CACNA1B: variants seen among roughly 807,000 people sequenced by gnomAD.
The protein encoded by CACNA1B is calcium voltage-gated channel subunit alpha1 B.
CACNA1B carries 70 observed loss-of-function variants against 247.2 expected under a neutral mutation model. That is an observed-to-expected ratio of 0.28 (90% CI 0.23 to 0.35). The LOEUF (loss-of-function observed/expected upper bound fraction) is 0.35. Among genes scored for constraint, CACNA1B ranks in the 10% least tolerant of loss-of-function variants. CACNA1B has a pLI of 1.00. For missense variants in CACNA1B, 2,367 were observed against 3,197.4 expected (o/e 0.74, Z 6.26); for synonymous variants, 1,231 against 1,294.4 (o/e 0.95, Z 1.05).
At chr9:137,933,949 T>C (rs764995455) in intron 6 of CACNA1B, among the ~76,000 whole-genome samples, 9 of 152,024 alleles carry the variant, frequency 5.9e-5, no homozygotes, top group Non-Finnish European at 1.3e-4. Context: ...CTTCAGGGGG[T>C]GGATACCTAT....
chr9:138,009,555 C>A (rs570069155), intron 16 of CACNA1B, among the ~76,000 whole-genome samples: 1 of 152,152 alleles, frequency 6.6e-6, no homozygotes, highest in Non-Finnish European at 1.5e-5. Flanking sequence ...GGCAGTGGAG[C>A]CCCACCTGGA....
rs1385935104 is a variant in CACNA1B, at chr9:138,054,375, G to A, written c.3968+369G>A. On this transcript the variant is annotated intron_variant, in intron 26 of 46. Coordinates refer to ENST00000371372, the MANE Select transcript of CACNA1B (RefSeq NM_000718.4). The surrounding 1 kb of genome is among the most constrained non-coding windows in gnomAD (Gnocchi z 4.6). ...GTAAGGTCAGAGGGGCTGCCCGATGGCTGGAGCTGCTGTCACTGTCCACAT... is the reference window on the plus strand; with the variant it reads ...GTAAGGTCAGAGGGGCTGCCCGATGACTGGAGCTGCTGTCACTGTCCACAT... Among the ~76,000 whole-genome samples the A allele has an allele frequency of 1.3e-5, 2 of 152,246 alleles. No individual in the cohort carries two copies. Among genetic ancestry groups the A allele is most frequent in the Non-Finnish European group, 2.9e-5 (2 of 68,044 alleles).
intron 21 of CACNA1B, 82 bp downstream of exon 21, chr9:138,043,982 C>A: frequency 2.7e-6 from 4 of 1,498,598 alleles, no homozygotes; most frequent in South Asian, 1.2e-5. Flanking sequence ...AGCCAGCGTG[C>A]ACTGATTCTG....
At chr9:138,074,446 G>A (rs1243390293) in intron 34 of CACNA1B, among the ~76,000 whole-genome samples, 2 of 152,156 alleles carry the variant, frequency 1.3e-5, no homozygotes, top group African/African-American at 4.8e-5. Context: ...TCACCATGTT[G>A]GCCAGGCTGG....
At chr9:138,003,303 G>T (rs1197656145) in intron 15 of CACNA1B, among the ~76,000 whole-genome samples, 2 of 151,508 alleles carry the variant, frequency 1.3e-5, no homozygotes, top group Non-Finnish European at 2.9e-5. Flanking sequence ...CTTCTGAGTA[G>T]CTGGGACTAC....
chr9:138,057,942 C>T lies in CACNA1B; in HGVS notation c.4106+73C>T. 6.3e-7 allele frequency: 1 copy of T among 1,575,194 alleles called. No homozygotes were observed. Among genetic ancestry groups the T allele is most frequent in the Non-Finnish European group, 8.7e-7 (1 of 1,150,182 alleles). On this transcript the variant is annotated intron_variant, in intron 27 of 46. Transcript: ENST00000371372. The surrounding 1 kb of genome is among the most constrained non-coding windows in gnomAD (Gnocchi z 4.0). ...CTCGGCCTCCCTTCCTCCCTCTATCCCTGGGCTCAGGCATGGAAGCAGACC... is the reference window on the plus strand; with the variant it reads ...CTCGGCCTCCCTTCCTCCCTCTATCTCTGGGCTCAGGCATGGAAGCAGACC...
At chr9:137,929,146 G>T (rs559015930) in intron 6 of CACNA1B, among the ~76,000 whole-genome samples, 1 of 152,268 alleles carries the variant, frequency 6.6e-6, no homozygotes, top group Middle Eastern at 3.4e-3. Context: ...TTAACCATTT[G>T]AGGAACCACC....
At chr9:137,883,667 G>A (rs1956961049) in intron 3 of CACNA1B, among the ~76,000 whole-genome samples, 1 of 152,000 alleles carries the variant, frequency 6.6e-6, no homozygotes, top group South Asian at 2.1e-4. Context: ...GTGGAGAGTG[G>A]TGGCTGGGGA....
intron 15 of CACNA1B, among the ~76,000 whole-genome samples, chr9:137,997,945 G>A (rs1017770005): frequency 1.3e-5 from 2 of 152,214 alleles, no homozygotes; most frequent in Non-Finnish European, 2.9e-5. Flanking sequence ...AAGGGAAAAT[G>A]AGTGCCTTAG....
chr9:138,123,186 G>A lies in CACNA1B; in HGVS notation c.*1187G>A, dbSNP rs201439668. On this transcript the variant is annotated 3_prime_UTR_variant, in exon 47 of 47. Coordinates refer to ENST00000371372, the MANE Select transcript of CACNA1B (RefSeq NM_000718.4). The stretch of plus-strand genomic sequence containing the variant: ...AGGAAGGAGGAAGACATTGGCTGGG[G>A]GCTTGGATGTGGGGCCGTCAGGGCA... The A allele has an allele frequency of 1.3e-5, 2 of 152,354 alleles. No homozygotes were observed. The highest frequency in any genetic ancestry group is 2.4e-5 in the African/African-American group (1 of 41,470). The allele number at this position is 152,354 out of a possible 1,614,324, so 9.4% of individuals were successfully genotyped here. A position where few individuals can be genotyped will look rare whatever the true frequency, so the allele number is the denominator to read the frequency against.
At chr9:138,081,837 G>C (rs1960531401) in intron 36 of CACNA1B, among the ~76,000 whole-genome samples, 1 of 150,910 alleles carries the variant, frequency 6.6e-6, no homozygotes, top group South Asian at 2.1e-4. Flanking sequence ...AATATGAATA[G>C]ACCTGTAACG....
At chr9:138,031,604 C>A (rs1014133060) in intron 20 of CACNA1B, among the ~76,000 whole-genome samples, 1 of 152,184 alleles carries the variant, frequency 6.6e-6, no homozygotes, top group African/African-American at 2.4e-5. Context: ...AAAGGATATT[C>A]AGTCTCCAGC....
chr9:137,898,819 C>G (rs1957200545), intron 3 of CACNA1B, among the ~76,000 whole-genome samples: 5 of 151,826 alleles, frequency 3.3e-5, no homozygotes, highest in Admixed American at 2.6e-4. Context: ...GTAGCTGGGA[C>G]TATAGGCACC....
At position 138,115,664 on chromosome 9, in the gene CACNA1B, G is replaced by C. The variant is rs377626929; in HGVS notation, c.5762G>C (p.Ser1921Thr). ...FLRQKSSTSLSNGGAIQNQES... is the reference protein window; with the variant it reads ...FLRQKSSTSLTNGGAIQNQES... ...CGACAGAAGAGTTCCACCTCCCTCA[G>C]CAATGGCGGGGCCATGTGAGTATCC... The change falls in exon 42 of 47, where the codon AGC becomes ACC. Residue 1921 changes from serine (S) to threonine (T), a missense_variant. Transcript: ENST00000371372. 5.0e-6 allele frequency: 8 copies of C among 1,613,142 alleles called. No homozygotes were observed. The African/African-American group carries it at 9.3e-5, about 19-fold the overall frequency.
At chr9:138,114,556 G>T in intron 41 of CACNA1B, 66 bp downstream of exon 41, 1 of 779,254 alleles carries the variant, frequency 1.3e-6, no homozygotes, top group Non-Finnish European at 2.2e-6. Context: ...ATCCTTCGGG[G>T]GGTTGACGAC....
chr9:138,058,612 G>T lies in CACNA1B; in HGVS notation c.4352G>T (p.Arg1451Leu), dbSNP rs1289601418. Residue 1451 changes from arginine (R) to leucine (L), a missense_variant, in exon 29 of 47, where the codon CGG (arginine) becomes CTG (leucine). Physicochemically the swap from Arg to Leu is moderately radical, Grantham distance 102. Coordinates refer to ENST00000371372, the MANE Select transcript of CACNA1B (RefSeq NM_000718.4). The surrounding 1 kb of genome is among the most constrained non-coding windows in gnomAD (Gnocchi z 4.7). ...GCCATCAGCGCCAAACCCCTGACAC[G>T]GTACATGCCCCAAAACCGGCAGTCG... is the stretch of plus-strand genomic sequence containing the variant. ...DFAISAKPLTRYMPQNRQSFQ... is the reference protein window; with the variant it reads ...DFAISAKPLTLYMPQNRQSFQ... 6.2e-7 allele frequency: 1 copy of T among 1,613,882 alleles called. No homozygotes were observed. The highest frequency in any genetic ancestry group is 1.1e-5 in the South Asian group (1 of 91,064).
Position 137,975,355 on chromosome 9 carries a change from G to A in CACNA1B, c.1544-552G>A, listed in dbSNP as rs73669810. Reference sequence around the variant, plus strand: ...GAGGTCTACCCTCGGGGCAGCAAACGTGAACAGAATACAAGTCAGCCACAG... The same window carrying A: ...GAGGTCTACCCTCGGGGCAGCAAACATGAACAGAATACAAGTCAGCCACAG... On this transcript the variant is annotated intron_variant, in intron 11 of 46. Coordinates refer to ENST00000371372, the MANE Select transcript of CACNA1B (RefSeq NM_000718.4). 2.2e-3 allele frequency among the ~76,000 whole-genome samples: 332 copies of A among 152,282 alleles called. 3 individuals carry two copies. The highest frequency in any genetic ancestry group is 7.6e-3 in the African/African-American group (314 of 41,580).
At chr9:137,896,582 G>A (rs1477195603) in intron 3 of CACNA1B, among the ~76,000 whole-genome samples, 1 of 152,186 alleles carries the variant, frequency 6.6e-6, no homozygotes, top group African/African-American at 2.4e-5. Flanking sequence ...TTGGTCTGTA[G>A]TGTTTTTTGG....
At chr9:137,926,775 A>G (rs1441813862) in intron 6 of CACNA1B, among the ~76,000 whole-genome samples, 2 of 152,048 alleles carry the variant, frequency 1.3e-5, no homozygotes, top group African/African-American at 2.4e-5. Flanking sequence ...TTTGATTTGC[A>G]TTTCTTTAAT....
Sources: allele counts gnomAD v4.1 joint callset (sites outside exome capture counted in the v4.1 genomes callset), GRCh38; gene constraint gnomAD v4.1.1; non-coding constraint Gnocchi (gnomAD v3.1); transcripts MANE v1.5; gene names NCBI Gene and HGNC (gene_info 2026-07-23, HGNC 2026-07-21).